Variants in LAMB4 observed in about 807,000 individuals in gnomAD.
The protein encoded by LAMB4 is laminin subunit beta-4.
In LAMB4, 196 loss-of-function variants were observed where a neutral mutation model predicts 199.2. The observed-to-expected ratio is 0.98, with a 90% confidence interval of 0.88 to 1.11. The LOEUF is 1.11. Among genes scored for constraint, LAMB4 ranks in the 50% least tolerant of loss-of-function variants. The pLI, the probability that LAMB4 is intolerant of heterozygous loss-of-function variation, is 0.00. For missense variants in LAMB4, 2,080 were observed against 2,171.2 expected (o/e 0.96, Z 0.83); for synonymous variants, 744 against 770.6 (o/e 0.97, Z 0.57).
intron 27 of LAMB4, among the ~76,000 whole-genome samples, chr7:108,048,789 T>C (rs1327957170): frequency 6.6e-6 from 1 of 152,120 alleles, no homozygotes; most frequent in African/African-American, 2.4e-5. Flanking sequence ...ACCTGCCAGG[T>C]TCAAGCGATT....
downstream of LAMB4, among the ~76,000 whole-genome samples, chr7:108,021,539 G>A (rs1425239328): frequency 6.6e-6 from 1 of 152,026 alleles, no homozygotes; most frequent in African/African-American, 2.4e-5. Context: ...GAGAAACTCT[G>A]TCTCTACTAA....
At chr7:108,030,754 T>C in intron 32 of LAMB4, 52 bp downstream of exon 32, 2 of 1,566,658 alleles carry the variant, frequency 1.3e-6, no homozygotes, top group African/African-American at 2.7e-5. Flanking sequence ...AGAACTATCT[T>C]TCAAAGAAGC....
chr7:108,068,201 G>A (rs2036410762), intron 18 of LAMB4, 42 bp from the exon 19 acceptor site: 1 of 1,606,148 alleles, frequency 6.2e-7, no homozygotes, highest in Non-Finnish European at 8.5e-7. Context: ...GAATGAAGAG[G>A]CAGAGAAGCA....
intron 12 of LAMB4, 98 bp from the exon 13 acceptor site, chr7:108,092,514 AT>A (rs2037447982): frequency 2.3e-6 from 2 of 873,922 alleles, no homozygotes; most frequent in Non-Finnish European, 3.8e-6. Flanking sequence ...CACACGTCAA[AT>A]AGCCAAACAG....
chr7:108,104,937 G>A (rs1250985147), intron 8 of LAMB4, among the ~76,000 whole-genome samples: 1 of 151,892 alleles, frequency 6.6e-6, no homozygotes, highest in African/African-American at 2.4e-5. Flanking sequence ...GTGGGGAGTT[G>A]GGGGGGAGTA....
chr7:108,109,383 G>A, intron 4 of LAMB4, 139 bp from the exon 5 acceptor site: 1 of 674,782 alleles, frequency 1.5e-6, no homozygotes, highest in Non-Finnish European at 2.6e-6. Context: ...CAGTCTGTTG[G>A]AGTGGTATCC....
At position 108,023,958 on chromosome 7, in the gene LAMB4, T is replaced by C. The variant is rs2034747050; in HGVS notation, c.*81A>G. 8.3e-7 allele frequency: 1 copy of C among 1,199,070 alleles called. No homozygotes were observed. The highest frequency in any genetic ancestry group is 1.2e-6 in the Non-Finnish European group (1 of 869,350). The allele number at this position is 1,199,070 out of a possible 1,614,324, so 74.3% of individuals were successfully genotyped here. Reference sequence around the variant, plus strand: ...GGAAGGTAGAAGACATTGTCAGTATTTCACAGGTTCAACAGAGCCCCAGGG... The same window carrying C: ...GGAAGGTAGAAGACATTGTCAGTATCTCACAGGTTCAACAGAGCCCCAGGG... On this transcript the variant is annotated 3_prime_UTR_variant, in exon 34 of 34. Coordinates refer to ENST00000388781, the MANE Select transcript of LAMB4 (RefSeq NM_007356.3).
At chr7:108,046,193 C>T (rs796239014) in intron 28 of LAMB4, among the ~76,000 whole-genome samples, 48 of 151,626 alleles carry the variant, frequency 3.2e-4, no homozygotes, top group African/African-American at 1.1e-3. Context: ...CTCAGTCTCC[C>T]GAGTAGCTGG....
At position 108,025,391 on chromosome 7, in the gene LAMB4, TTCTTTC is replaced by T. The variant is rs747706994; in HGVS notation, c.5147-1219_5147-1214del. On this transcript the variant is annotated intron_variant, in intron 33 of 33. Coordinates refer to ENST00000388781, the MANE Select transcript of LAMB4 (RefSeq NM_007356.3). ...CTTTCTTTCTTTCTTTTCTTTTCTT[TTCTTTC>T]TTTCTTTCTTTCTTTCTTTCTTCTT... Among the ~76,000 whole-genome samples, 11 of 70,568 alleles carry T rather than the reference TTCTTTC, an allele frequency of 1.6e-4. No individual in the cohort carries two copies. The East Asian group carries it at 3.2e-3, about 21-fold the overall frequency. The allele number at this position is 70,568 out of a possible 152,430, so 46.3% of individuals were successfully genotyped here.
At chr7:108,021,378 A>G (rs369875877), downstream of LAMB4, among the ~76,000 whole-genome samples, 5 of 152,258 alleles carry the variant, frequency 3.3e-5, no homozygotes, top group East Asian at 7.7e-4. Flanking sequence ...GCTGAGTGCT[A>G]TATTTTGTTT....
At chr7:108,050,151 A>G (rs1201954428) in intron 26 of LAMB4, among the ~76,000 whole-genome samples, 4 of 152,188 alleles carry the variant, frequency 2.6e-5, no homozygotes. Flanking sequence ...CTGAAGCAGT[A>G]TTTACAAAGA....
At position 108,029,117 on chromosome 7, in the gene LAMB4, C is replaced by T; in HGVS notation, c.5072G>A (p.Gly1691Glu). 6.2e-7 allele frequency: 1 copy of T among 1,614,104 alleles called. No homozygotes were observed. The highest frequency in any genetic ancestry group is 8.5e-7 in the Non-Finnish European group (1 of 1,179,986). The part of the protein sequence containing the change: ...STTGLTKETL[G>E]KVKQLKDAAE... Reference sequence around the variant, plus strand: ...CGCATCTTTTAGCTGTTTAACTTTTCCTAATGTCTCCTTTGTTAGTCCTGT... The same window carrying T: ...CGCATCTTTTAGCTGTTTAACTTTTTCTAATGTCTCCTTTGTTAGTCCTGT... Residue 1691 changes from glycine (G) to glutamate (E), a missense_variant, in exon 33 of 34, where the codon GGA becomes GAA. Physicochemically the swap from Gly to Glu is moderately conservative, Grantham distance 98. Transcript: ENST00000388781.
Position 108,037,587 on chromosome 7 carries a change from C to T in LAMB4, c.4480G>A (p.Val1494Met), listed in dbSNP as rs773058475. 2.6e-5 allele frequency: 42 copies of T among 1,613,578 alleles called. No individual in the cohort carries two copies. Among genetic ancestry groups the T allele is most frequent in the Admixed American group, 3.3e-5 (2 of 59,980 alleles). ...ACCTTCTCGATGTCTTCTGGAGGCA[C>T]GTTTTCCTCTTAAATAAGAAGCAGG... ...KVKNFLLEEN[V>M]PPEDIEKVAN... Residue 1494 changes from valine (V) to methionine (M), a missense_variant, in exon 30 of 34, where the codon GTG becomes ATG. By Grantham distance (21) the Val-to-Met change is conservative (BLOSUM62 1). Coordinates refer to ENST00000388781, the MANE Select transcript of LAMB4 (RefSeq NM_007356.3).
chr7:108,061,138 C>A (rs1018524715), intron 23 of LAMB4, among the ~76,000 whole-genome samples: 2 of 152,072 alleles, frequency 1.3e-5, no homozygotes, highest in African/African-American at 4.8e-5. Flanking sequence ...AATTGATGGA[C>A]ATTCTACAAA....
At chr7:108,125,152 T>G (rs1014034414) in intron 1 of LAMB4, among the ~76,000 whole-genome samples, 2 of 152,110 alleles carry the variant, frequency 1.3e-5, no homozygotes, top group Admixed American at 6.6e-5. Context: ...ATACAAAACC[T>G]TGTGAAGACC....
chr7:108,128,880 G>C (rs113378042), intron 1 of LAMB4, among the ~76,000 whole-genome samples: 12 of 151,268 alleles, frequency 7.9e-5, no homozygotes, highest in African/African-American at 3.0e-4. Flanking sequence ...GTGATTAGGA[G>C]TAATAAACAA....
intron 25 of LAMB4, among the ~76,000 whole-genome samples, chr7:108,054,346 C>T (rs944410496): frequency 6.6e-6 from 1 of 152,100 alleles, no homozygotes; most frequent in East Asian, 1.9e-4. Flanking sequence ...ATGCAGTGGC[C>T]CTTTCCCTGA....
chr7:108,096,000 A>T (rs752503132), intron 11 of LAMB4, among the ~76,000 whole-genome samples: 1 of 152,260 alleles, frequency 6.6e-6, no homozygotes, highest in Non-Finnish European at 1.5e-5. Context: ...GTAATCTGCA[A>T]TATGGATAAA....
At chr7:108,116,532 C>T (rs748833992) in intron 2 of LAMB4, among the ~76,000 whole-genome samples, 4 of 152,046 alleles carry the variant, frequency 2.6e-5, no homozygotes, top group African/African-American at 9.7e-5. Context: ...AATGGACACC[C>T]GCATATGAAA....
Sources: gnomAD v4.1 joint callset for allele counts (sites outside exome capture counted in the v4.1 genomes callset) on GRCh38, gnomAD v4.1.1 for gene constraint, MANE v1.5 for transcripts, NCBI Gene and HGNC (gene_info 2026-07-23, HGNC 2026-07-21) for gene names.